Variants in ACVR1C observed in about 807,000 individuals in gnomAD.
ACVR1C encodes the protein activin receptor type-1C.
Under a neutral mutation model 57.9 loss-of-function variants are expected in ACVR1C, and 23 were observed. The observed-to-expected ratio is 0.40, with a 90% confidence interval of 0.29 to 0.56. ACVR1C has a LOEUF of 0.56. Ranked by LOEUF, ACVR1C falls within the 20% of genes least tolerant of loss-of-function variation. The probability of loss-of-function intolerance (pLI) is 0.50; values close to 1 mark genes in which losing one functional copy is unlikely to be tolerated. For missense variants in ACVR1C, 480 were observed against 607.9 expected (o/e 0.79, Z 2.21); for synonymous variants, 214 against 215.3 (o/e 0.99, Z 0.05).
chr2:157,561,815 T>C (rs1688234391), intron 2 of ACVR1C, among the ~76,000 whole-genome samples: 1 of 152,224 alleles, frequency 6.6e-6, no homozygotes, highest in South Asian at 2.1e-4. Flanking sequence ...AACTGGTTTC[T>C]TGATGCTTTA....
At chr2:157,600,228 A>G (rs763278393) in intron 1 of ACVR1C, among the ~76,000 whole-genome samples, 2 of 152,232 alleles carry the variant, frequency 1.3e-5, no homozygotes, top group African/African-American at 2.4e-5. Context: ...ACTGAAATCT[A>G]GTTTTGTGTT....
intron 5 of ACVR1C, 120 bp from the exon 6 acceptor site, chr2:157,542,982 G>A (rs1432064017): frequency 2.0e-6 from 2 of 987,858 alleles, no homozygotes; most frequent in Non-Finnish European, 3.0e-6. Flanking sequence ...CAAAGCTCTT[G>A]TCACTATCTA....
intron 1 of ACVR1C, among the ~76,000 whole-genome samples, chr2:157,622,400 A>G: frequency 6.6e-6 from 1 of 152,214 alleles, no homozygotes; most frequent in African/African-American, 2.4e-5. Flanking sequence ...ACAGCATGGT[A>G]CTGACATAAA....
chr2:157,588,320 A>T (rs1342667758), intron 1 of ACVR1C, among the ~76,000 whole-genome samples: 2 of 151,852 alleles, frequency 1.3e-5, no homozygotes, highest in Non-Finnish European at 1.5e-5. Flanking sequence ...TTATGTTTTG[A>T]TGTAAAACAT....
rs546124613 is a variant in ACVR1C at position 157,566,726 on chromosome 2, G to A, written c.305-10394C>T. ...GAGGGTCCTACGCCCAGGGAGTCTC[G>A]CTGATTGCTAGCACAGCAGTCTGAG... On this transcript the variant is annotated intron_variant, in intron 2 of 8. Coordinates refer to ENST00000243349, the MANE Select transcript of ACVR1C (RefSeq NM_145259.3). Among the ~76,000 whole-genome samples the A allele has an allele frequency of 1.4e-4, 21 of 151,712 alleles. No individual in the cohort carries two copies. The East Asian group carries it at 2.8e-3, about 20-fold the overall frequency.
At chr2:157,588,848 CATATATATAT>C (rs71402394) in intron 1 of ACVR1C, among the ~76,000 whole-genome samples, 2,188 of 89,092 alleles carry the variant, frequency 0.025, 139 homozygotes, top group African/African-American at 0.08. Flanking sequence ...ACAAACACAC[CATATATATAT>C]ATATATATAT....
In ACVR1C at chr2:157,547,862, CT is replaced by C. The variant is rs1274034038; in HGVS notation, c.775+2299del. 3.3e-5 allele frequency among the ~76,000 whole-genome samples: 5 copies of C among 151,582 alleles called. No individual in the cohort carries two copies. In the East Asian group the frequency reaches 9.7e-4, roughly 29 times the overall value. ...TCAATTTTGTCTTTTGTTGCCATTG[CT>C]TTTGGTGTTTTGGACATGAAGTCCT... On this transcript the variant is annotated intron_variant, in intron 4 of 8. Coordinates refer to ENST00000243349, the MANE Select transcript of ACVR1C (RefSeq NM_145259.3).
chr2:157,594,931 A>G (rs964128066), intron 1 of ACVR1C, among the ~76,000 whole-genome samples: 9 of 152,278 alleles, frequency 5.9e-5, no homozygotes, highest in Admixed American at 5.2e-4. Context: ...AAGGACACGT[A>G]TGATGGCACA....
intron 1 of ACVR1C, among the ~76,000 whole-genome samples, chr2:157,592,705 T>C (rs764876749): frequency 6.6e-5 from 10 of 152,144 alleles, no homozygotes; most frequent in Non-Finnish European, 1.2e-4. Flanking sequence ...ATATTAATCA[T>C]CCTCAACATA....
chr2:157,539,098 C>A (rs1179502627), intron 7 of ACVR1C, among the ~76,000 whole-genome samples: 1 of 151,348 alleles, frequency 6.6e-6, no homozygotes, highest in Non-Finnish European at 1.5e-5. Flanking sequence ...AAAAGTGATG[C>A]CTACTTTCTT....
At chr2:157,554,425 G>A (rs1688040564) in intron 3 of ACVR1C, among the ~76,000 whole-genome samples, 1 of 150,854 alleles carries the variant, frequency 6.6e-6, no homozygotes, top group Non-Finnish European at 1.5e-5. Context: ...AGGAGACAAA[G>A]GAAGGAAGGA....
chr2:157,554,281 AAGAG>A (rs376177092), intron 3 of ACVR1C, among the ~76,000 whole-genome samples: 49 of 122,342 alleles, frequency 4.0e-4, no homozygotes, highest in South Asian at 7.7e-4. Flanking sequence ...GGAAGGAAGG[AAGAG>A]AGAGAGAGAG....
At chr2:157,557,956 G>A (rs1016459994) in intron 2 of ACVR1C, among the ~76,000 whole-genome samples, 8 of 151,862 alleles carry the variant, frequency 5.3e-5, no homozygotes, top group African/African-American at 1.5e-4. Flanking sequence ...TTTCCTTTTC[G>A]TTGACTAAAG....
At chr2:157,537,276 A>G (rs1161331831) in intron 8 of ACVR1C, among the ~76,000 whole-genome samples, 2 of 152,022 alleles carry the variant, frequency 1.3e-5, no homozygotes, top group African/African-American at 4.8e-5. Context: ...GGGGTAAGGA[A>G]TCTTCAAAGG....
rs199650064 is a variant in ACVR1C, at chr2:157,587,298, A to G, written c.193T>C (p.Ser65Pro). 4.3e-6 allele frequency: 7 copies of G among 1,613,696 alleles called. No homozygotes were observed. In the Admixed American group the frequency reaches 1.0e-4, roughly 23 times the overall value. Residue 65 changes from serine to proline, a missense_variant, in exon 2 of 9, where the codon TCC becomes CCC. Ser to Pro is a moderately conservative substitution (Grantham distance 74). Transcript: ENST00000243349. ...ACTTGAGCATTCAGTTCTGGAAGGG[A>G]GACACAGGATTTGATCACCTGCTCT... ...GKEQVIKSCV[S>P]LPELNAQVFC...
chr2:157,545,182 G>A (rs1387123860), intron 4 of ACVR1C, among the ~76,000 whole-genome samples: 1 of 152,088 alleles, frequency 6.6e-6, no homozygotes, highest in Middle Eastern at 3.2e-3. Flanking sequence ...ACCTCATTTA[G>A]CCAAAACCTA....
intron 1 of ACVR1C, among the ~76,000 whole-genome samples, chr2:157,604,386 T>G (rs1024740942): frequency 2.6e-5 from 4 of 152,006 alleles, no homozygotes; most frequent in Admixed American, 6.6e-5. Context: ...GCTTTTGCAT[T>G]TGGTTTAAGG....
intron 4 of ACVR1C, among the ~76,000 whole-genome samples, chr2:157,548,607 C>T (rs1179796935): frequency 6.6e-6 from 1 of 151,010 alleles, no homozygotes; most frequent in Non-Finnish European, 1.5e-5. Context: ...CAGAACAGAG[C>T]CCTCAGAAAT....
At chr2:157,561,656 T>G (rs1688231574) in intron 2 of ACVR1C, among the ~76,000 whole-genome samples, 1 of 152,234 alleles carries the variant, frequency 6.6e-6, no homozygotes, top group South Asian at 2.1e-4. Context: ...AATAATTGCT[T>G]TTTGTAAAAA....
Sources: gnomAD v4.1 joint callset for allele counts (sites outside exome capture counted in the v4.1 genomes callset) on GRCh38, gnomAD v4.1.1 for gene constraint, MANE v1.5 for transcripts, NCBI Gene and HGNC (gene_info 2026-07-23, HGNC 2026-07-21) for gene names.